CORIN: variants seen among roughly 807,000 people sequenced by gnomAD.
The protein encoded by CORIN is atrial natriuretic peptide-converting enzyme.
A neutral mutation model predicts 125.3 loss-of-function variants in CORIN; 117 were observed. That is an observed-to-expected ratio of 0.93 (90% CI 0.80 to 1.09). The LOEUF (loss-of-function observed/expected upper bound fraction) is 1.09. CORIN is among the 50% of genes least tolerant of loss of function. The probability of loss-of-function intolerance (pLI) is 0.00; values close to 1 mark genes in which losing one functional copy is unlikely to be tolerated. For synonymous variants in CORIN, 450 were observed against 466.4 expected (o/e 0.96, Z 0.45); for missense variants, 1,253 against 1,306.7 (o/e 0.96, Z 0.63).
At chr4:47,794,219 G>T (rs1577929252) in intron 2 of CORIN, among the ~76,000 whole-genome samples, 1 of 152,160 alleles carries the variant, frequency 6.6e-6, no homozygotes, top group Non-Finnish European at 1.5e-5. Context: ...AAGTTAGGAA[G>T]TTAAGATTCT....
chr4:47,796,840 T>C (rs1731310111), intron 2 of CORIN, among the ~76,000 whole-genome samples: 1 of 152,048 alleles, frequency 6.6e-6, no homozygotes. Context: ...TTATTGTGGA[T>C]TTCATGTTTA....
chr4:47,707,151 G>A (rs1726608572), intron 5 of CORIN, among the ~76,000 whole-genome samples: 1 of 152,050 alleles, frequency 6.6e-6, no homozygotes, highest in South Asian at 2.1e-4. Context: ...AATAAGTGGT[G>A]GTGTATCTTG....
At chr4:47,648,553 C>T (rs770164179) in intron 13 of CORIN, among the ~76,000 whole-genome samples, 1 of 152,106 alleles carries the variant, frequency 6.6e-6, no homozygotes, top group African/African-American at 2.4e-5. Flanking sequence ...CAGTACCCCC[C>T]CACCCCCAAA....
intron 20 of CORIN, among the ~76,000 whole-genome samples, chr4:47,602,367 T>C (rs1313932615): frequency 1.3e-5 from 2 of 152,170 alleles, no homozygotes; most frequent in African/African-American, 2.4e-5. Flanking sequence ...AAATACAGAG[T>C]ACACATTTTA....
chr4:47,724,683 C>G (rs1191111287), intron 5 of CORIN, among the ~76,000 whole-genome samples: 1 of 152,106 alleles, frequency 6.6e-6, no homozygotes, highest in Non-Finnish European at 1.5e-5. Context: ...AATGTAATCT[C>G]TACATTAATA....
chr4:47,667,662 G>A (rs1046853584), intron 10 of CORIN, among the ~76,000 whole-genome samples: 8 of 151,962 alleles, frequency 5.3e-5, no homozygotes, highest in African/African-American at 1.9e-4. Flanking sequence ...ATGTTGGCCT[G>A]ATTAAAAAAA....
intron 5 of CORIN, among the ~76,000 whole-genome samples, chr4:47,702,009 C>T (rs1726315019): frequency 1.3e-5 from 2 of 152,142 alleles, no homozygotes; most frequent in African/African-American, 2.4e-5. Context: ...CTATCTGCCT[C>T]TCAATGAGAC....
intron 1 of CORIN, 115 bp from the exon 2 acceptor site, chr4:47,807,162 T>C (rs1731833859): frequency 4.0e-6 from 3 of 749,898 alleles, no homozygotes; most frequent in South Asian, 2.1e-5. Context: ...TTACAGTTTG[T>C]GGTTTAGGGT....
chr4:47,804,739 G>C (rs1361657760), intron 2 of CORIN, among the ~76,000 whole-genome samples: 1 of 138,244 alleles, frequency 7.2e-6, no homozygotes, highest in Non-Finnish European at 1.5e-5. Context: ...GGTGGGGAGG[G>C]GGGGGGTTGT....
At chr4:47,668,838 C>T (rs879860858) in intron 10 of CORIN, among the ~76,000 whole-genome samples, 3 of 152,170 alleles carry the variant, frequency 2.0e-5, no homozygotes, top group Non-Finnish European at 4.4e-5. Flanking sequence ...TTCTGTAGAT[C>T]TTTATTGAAT....
chr4:47,737,991 G>A (rs552805051), intron 5 of CORIN, among the ~76,000 whole-genome samples: 82 of 146,490 alleles, frequency 5.6e-4, no homozygotes, highest in African/African-American at 2.1e-3. Context: ...TCCCCGGGGT[G>A]TTTCTAAAAA....
intron 16 of CORIN, among the ~76,000 whole-genome samples, chr4:47,634,049 C>T (rs9918070): frequency 0.26 from 39,707 of 151,752 alleles, 5,418 homozygotes; most frequent in Admixed American, 0.36. Context: ...TTTAAAAATG[C>T]CTAAAATAGT....
intron 2 of CORIN, among the ~76,000 whole-genome samples, chr4:47,798,832 C>G (rs1349412842): frequency 6.6e-6 from 1 of 151,962 alleles, no homozygotes; most frequent in Non-Finnish European, 1.5e-5. Flanking sequence ...GTTTTTCAAC[C>G]CTTGCCCTCC....
intron 1 of CORIN, among the ~76,000 whole-genome samples, chr4:47,814,488 C>T (rs1732182045): frequency 6.6e-6 from 1 of 152,112 alleles, no homozygotes; most frequent in Admixed American, 6.5e-5. Context: ...GTGCTAGATG[C>T]TTCCCACTCT....
intron 3 of CORIN, among the ~76,000 whole-genome samples, chr4:47,769,996 A>C (rs557881415): frequency 6.6e-6 from 1 of 152,320 alleles, no homozygotes; most frequent in African/African-American, 2.4e-5. Context: ...GGGCAACAAA[A>C]GTATAAATAC....
chr4:47,829,304 T>C (rs1447388402), intron 1 of CORIN, among the ~76,000 whole-genome samples: 4 of 152,182 alleles, frequency 2.6e-5, no homozygotes, highest in African/African-American at 9.7e-5. Context: ...GCTTTTTCAG[T>C]GCAGCTACTA....
chr4:47,767,572 C>T (rs1241196646), intron 3 of CORIN, among the ~76,000 whole-genome samples: 1 of 152,026 alleles, frequency 6.6e-6, no homozygotes, highest in Non-Finnish European at 1.5e-5. Context: ...ATTTATCATC[C>T]TACCTGAGAA....
At chr4:47,821,221 C>T (rs1174176052) in intron 1 of CORIN, among the ~76,000 whole-genome samples, 1 of 151,424 alleles carries the variant, frequency 6.6e-6, no homozygotes, top group East Asian at 1.9e-4. Context: ...GACGACAGAG[C>T]GAGACCCCAT....
At chr4:47,656,195 G>A (rs1048783260) in intron 12 of CORIN, among the ~76,000 whole-genome samples, 39 of 137,042 alleles carry the variant, frequency 2.8e-4, no homozygotes, top group African/African-American at 7.2e-4. Flanking sequence ...CTCCCTTGTC[G>A]CCCAGGCTGG....
Sources: gnomAD v4.1 joint callset for allele counts (sites outside exome capture counted in the v4.1 genomes callset) on GRCh38, gnomAD v4.1.1 for gene constraint, MANE v1.5 for transcripts, NCBI Gene and HGNC (gene_info 2026-07-23, HGNC 2026-07-21) for gene names.